SGCZ: variants seen among roughly 807,000 people sequenced by gnomAD.
The protein encoded by SGCZ is sarcoglycan zeta.
SGCZ carries 40 observed loss-of-function variants against 41.3 expected under a neutral mutation model. The ratio of observed to expected loss-of-function variants is 0.97; its 90% CI spans 0.75 to 1.26. SGCZ has a LOEUF of 1.26. Among genes scored for constraint, SGCZ ranks in the 50% most tolerant of loss-of-function variants. The pLI, the probability that SGCZ is intolerant of heterozygous loss-of-function variation, is 0.00. For synonymous variants in SGCZ, 206 were observed against 137.5 expected (o/e 1.50, Z -3.49); for missense variants, 552 against 369.8 (o/e 1.49, Z -4.04).
chr8:15,001,079 C>G (rs969077245), intron 1 of SGCZ, among the ~76,000 whole-genome samples: 36 of 152,296 alleles, frequency 2.4e-4, no homozygotes, highest in Admixed American at 1.8e-3. Flanking sequence ...TGGGGCAGCT[C>G]AGTGACAGAA....
At chr8:15,207,113 G>A (rs893748808) in intron 1 of SGCZ, among the ~76,000 whole-genome samples, 1 of 152,172 alleles carries the variant, frequency 6.6e-6, no homozygotes, top group African/African-American at 2.4e-5. Flanking sequence ...CAAAGTGAGA[G>A]TTCTGGAATC....
At chr8:14,719,996 T>G (rs2130178758) in intron 1 of SGCZ, among the ~76,000 whole-genome samples, 1 of 152,182 alleles carries the variant, frequency 6.6e-6, no homozygotes, top group South Asian at 2.1e-4. Context: ...AGGTCTAAAG[T>G]TTACGTCTTT....
chr8:14,114,568 T>C (rs1395436784), intron 5 of SGCZ, among the ~76,000 whole-genome samples: 2 of 151,998 alleles, frequency 1.3e-5, no homozygotes, highest in Non-Finnish European at 2.9e-5. Context: ...TTTGAAAGCC[T>C]TTACTCTTGG....
chr8:14,431,668 A>C (rs561099128), intron 2 of SGCZ, among the ~76,000 whole-genome samples: 2 of 152,328 alleles, frequency 1.3e-5, no homozygotes, highest in East Asian at 3.9e-4. Flanking sequence ...AAATGCAATA[A>C]ACATAAAGAT....
chr8:14,350,482 T>G (rs1803049141), intron 2 of SGCZ, among the ~76,000 whole-genome samples: 1 of 152,138 alleles, frequency 6.6e-6, no homozygotes, highest in African/African-American at 2.4e-5. Context: ...TGTTAGGGGC[T>G]GGTGATTCTC....
At chr8:14,683,872 C>A (rs886747426) in intron 1 of SGCZ, among the ~76,000 whole-genome samples, 1 of 152,200 alleles carries the variant, frequency 6.6e-6, no homozygotes, top group Admixed American at 6.5e-5. Context: ...TCCTCTGATA[C>A]ACACTTAAAC....
At chr8:14,932,654 A>G (rs941536601) in intron 1 of SGCZ, among the ~76,000 whole-genome samples, 2 of 152,066 alleles carry the variant, frequency 1.3e-5, no homozygotes, top group African/African-American at 4.8e-5. Context: ...ATAAATGTGT[A>G]AAGTGCTAAT....
In SGCZ at chr8:14,505,566, A is replaced by G. The variant is rs528085467; in HGVS notation, c.234+49166T>C. On this transcript the variant is annotated intron_variant, in intron 2 of 7. Transcript: ENST00000382080. ...GCAAATCACATAATCTCAGCTTTGT[A>G]TCTTTCTAGGTTTTCTCATCTTCCT... Among the ~76,000 whole-genome samples, 3 of 152,130 alleles carry G rather than the reference A, an allele frequency of 2.0e-5. No homozygotes were observed. The East Asian group carries it at 5.8e-4, about 29-fold the overall frequency.
chr8:14,125,196 T>C (rs1178485975), intron 5 of SGCZ, among the ~76,000 whole-genome samples: 1 of 152,014 alleles, frequency 6.6e-6, no homozygotes, highest in Non-Finnish European at 1.5e-5. Flanking sequence ...GAATCACTAT[T>C]GTTGGCCAGG....
Position 14,568,233 on chromosome 8 carries a change from G to A in SGCZ, c.40-13307C>T, listed in dbSNP as rs569459595. Among the ~76,000 whole-genome samples the A allele has an allele frequency of 9.9e-5, 15 of 152,012 alleles. No homozygotes were observed. In the East Asian group the frequency reaches 2.5e-3, roughly 26 times the overall value. ...GAACATCACACACTGGGGCCTGTCC[G>A]GGGGTGGGGAGAAAGAGGAGGGAGA... On this transcript the variant is annotated intron_variant, in intron 1 of 7. Transcript: ENST00000382080.
intron 3 of SGCZ, among the ~76,000 whole-genome samples, chr8:14,252,402 T>C (rs1440802588): frequency 6.6e-6 from 1 of 152,154 alleles, no homozygotes; most frequent in African/African-American, 2.4e-5. Context: ...TACATATATA[T>C]GATGTATATA....
At chr8:14,317,341 G>T (rs1801752769) in intron 3 of SGCZ, among the ~76,000 whole-genome samples, 1 of 151,982 alleles carries the variant, frequency 6.6e-6, no homozygotes, top group African/African-American at 2.4e-5. Flanking sequence ...AAGGCAAAGA[G>T]GGGTTAACTA....
At chr8:14,500,311 C>T (rs1048335549) in intron 2 of SGCZ, among the ~76,000 whole-genome samples, 8 of 151,910 alleles carry the variant, frequency 5.3e-5, no homozygotes, top group Admixed American at 2.6e-4. Flanking sequence ...TCTCATCAGG[C>T]GCCATTGTCA....
intron 1 of SGCZ, among the ~76,000 whole-genome samples, chr8:14,950,698 G>T (rs1477917600): frequency 6.6e-6 from 1 of 151,976 alleles, no homozygotes; most frequent in Non-Finnish European, 1.5e-5. Context: ...CAAGATTTGA[G>T]AAATGTGAAT....
At chr8:14,289,642 G>A (rs1266658380) in intron 3 of SGCZ, among the ~76,000 whole-genome samples, 1 of 151,830 alleles carries the variant, frequency 6.6e-6, no homozygotes, top group Non-Finnish European at 1.5e-5. Context: ...TGTATAGAAA[G>A]GCCAGAAATA....
rs146156942 is a variant in SGCZ at position 14,392,144 on chromosome 8, CA to C, written c.235-67941del. Among the ~76,000 whole-genome samples, 455 of 151,816 alleles carry C rather than the reference CA, an allele frequency of 3.0e-3. 5 individuals carry two copies. The East Asian group carries it at 0.045, about 15-fold the overall frequency. On this transcript the variant is annotated intron_variant, in intron 2 of 7. Transcript: ENST00000382080. Reference sequence around the variant, plus strand: ...TAAATATAATATTTCAGATAAATCACAAAAAAAATTATCAGTTATTTTAATT... The same window carrying C: ...TAAATATAATATTTCAGATAAATCACAAAAAAATTATCAGTTATTTTAATT...
chr8:14,867,078 T>A (rs923012912), intron 1 of SGCZ, among the ~76,000 whole-genome samples: 8 of 152,278 alleles, frequency 5.3e-5, no homozygotes, highest in Middle Eastern at 3.4e-3. Flanking sequence ...AATGTCTAGG[T>A]CATTCACTAT....
rs576698283 is a variant in SGCZ, at chr8:14,806,917, C to G, written c.40-251991G>C. 4.1e-3 allele frequency among the ~76,000 whole-genome samples: 617 copies of G among 151,126 alleles called. 2 individuals are homozygous for G. The highest frequency in any genetic ancestry group is 8.4e-3 in the South Asian group (40 of 4,762). ...TGGGCTTCATCCCTGGGATGCAAGG[C>G]TGGTTCAATATATGCAAATCAATAA... On this transcript the variant is annotated intron_variant, in intron 1 of 7. Transcript: ENST00000382080.
At chr8:14,430,765 A>G (rs2117335387) in intron 2 of SGCZ, among the ~76,000 whole-genome samples, 1 of 152,304 alleles carries the variant, frequency 6.6e-6, no homozygotes, top group Non-Finnish European at 1.5e-5. Flanking sequence ...GTCGTTGTTT[A>G]CTGATAATAT....
Sources: allele counts gnomAD v4.1 joint callset (sites outside exome capture counted in the v4.1 genomes callset), GRCh38; gene constraint gnomAD v4.1.1; transcripts MANE v1.5; gene names NCBI Gene and HGNC (gene_info 2026-07-23, HGNC 2026-07-21).